TNNT3: variants seen among roughly 807,000 people sequenced by gnomAD.
TNNT3 encodes the protein troponin T3, fast skeletal type.
In TNNT3, 36 loss-of-function variants were observed where a neutral mutation model predicts 54.2. The observed-to-expected ratio is 0.66, with a 90% CI of 0.51 to 0.88. The LOEUF (loss-of-function observed/expected upper bound fraction) is 0.88. Among genes scored for constraint, TNNT3 ranks in the 40% least tolerant of loss-of-function variants. The pLI, the probability that TNNT3 is intolerant of heterozygous loss-of-function variation, is 0.00. For synonymous variants in TNNT3, 120 were observed against 109.7 expected (o/e 1.09, Z -0.59); for missense variants, 291 against 331.6 (o/e 0.88, Z 0.95).
chr11:1,937,393 G>A (rs1855440982), intron 15 of TNNT3, among the ~76,000 whole-genome samples: 1 of 152,188 alleles, frequency 6.6e-6, no homozygotes, highest in Admixed American at 6.5e-5. Context: ...ACCCTCCAAG[G>A]GGACCTAGGA....
intron 4 of TNNT3, chr11:1,924,859 G>C: frequency 1.6e-6 from 1 of 626,478 alleles, no homozygotes; most frequent in Non-Finnish European, 2.9e-6. Flanking sequence ...CCCTCTCAGG[G>C]GCCGGGCCCA....
chr11:1,930,266 C>T (rs1358897302), intron 8 of TNNT3, among the ~76,000 whole-genome samples: 1 of 152,080 alleles, frequency 6.6e-6, no homozygotes, highest in Non-Finnish European at 1.5e-5. Flanking sequence ...CGCAACACCC[C>T]ACGGCCTTCG....
chr11:1,931,694 CTT>C (rs370398561), intron 8 of TNNT3, among the ~76,000 whole-genome samples: 1 of 112,308 alleles, frequency 8.9e-6, no homozygotes, highest in African/African-American at 3.2e-5. Flanking sequence ...TTTTTTTAGT[CTT>C]TTTTTTTTGC....
Position 1,933,756 on chromosome 11 carries a change from G to A in TNNT3, c.207G>A (p.Met69Ile), listed in dbSNP as rs372303464. The change falls in exon 10 of 16, where the codon ATG becomes ATA. Residue 69 changes from methionine to isoleucine, a missense_variant. Coordinates refer to ENST00000278317, the MANE Select transcript of TNNT3 (RefSeq NM_006757.4). ...IQKKRQNKDL[M>I]ELQALIDSHF... is the part of the protein sequence containing the mutation. Reference sequence around the variant, plus strand: ...AGAAGCGTCAGAACAAAGACCTAATGGAGCTCCAGGCCCTCATCGACAGCC... The same window carrying A: ...AGAAGCGTCAGAACAAAGACCTAATAGAGCTCCAGGCCCTCATCGACAGCC... 8 of 1,612,912 alleles carry A rather than the reference G, an allele frequency of 5.0e-6. No homozygotes were observed. Among genetic ancestry groups the A allele is most frequent in the African/African-American group, 1.3e-5 (1 of 74,938 alleles).
intron 14 of TNNT3, chr11:1,936,261 AG>A: frequency 6.2e-7 from 1 of 1,613,798 alleles, no homozygotes; most frequent in African/African-American, 1.3e-5. Flanking sequence ...AGTTGTAAGT[AG>A]CCGGGTCCGC....
At position 1,936,951 on chromosome 11, in the gene TNNT3, T is replaced by A; in HGVS notation, c.682-12T>A. 1 of 1,604,694 alleles carries A rather than the reference T, an allele frequency of 6.2e-7. No homozygotes were observed. Among genetic ancestry groups the A allele is most frequent in the South Asian group, 1.1e-5 (1 of 89,584 alleles). On this transcript the variant is annotated splice_polypyrimidine_tract_variant and intron_variant, in intron 14 of 15. Coordinates refer to ENST00000278317, the MANE Select transcript of TNNT3 (RefSeq NM_006757.4). Reference sequence around the variant, plus strand: ...TCGGGTCGTCGCAGTGAGTCACTCATGTTGTTCACAGATCACCACGCTCAG... The same window carrying A: ...TCGGGTCGTCGCAGTGAGTCACTCAAGTTGTTCACAGATCACCACGCTCAG...
At chr11:1,925,276 G>T (rs1174042898) in intron 5 of TNNT3, 160 bp downstream of exon 5, 5 of 1,601,920 alleles carry the variant, frequency 3.1e-6, no homozygotes, top group Non-Finnish European at 4.3e-6. Context: ...CCATGAGGAA[G>T]GTATGAGGAC....
intron 14 of TNNT3, chr11:1,936,300 G>T: frequency 6.2e-7 from 1 of 1,604,362 alleles, no homozygotes; most frequent in African/African-American, 1.3e-5. Context: ...GGTGTGCGTT[G>T]CACGGTGAGG....
At position 1,937,060 on chromosome 11, in the gene TNNT3, C is replaced by T. The variant is rs552132199; in HGVS notation, c.722+57C>T. ...GGGCACAGGGGCCCTTGGGGCCAGC[C>T]GCTGTAGCCAGTCCCTAACAAGGGC... On this transcript the variant is annotated intron_variant, in intron 15 of 15. Coordinates refer to ENST00000278317, the MANE Select transcript of TNNT3 (RefSeq NM_006757.4). 4.7e-5 allele frequency: 72 copies of T among 1,534,188 alleles called. No homozygotes were observed. In the East Asian group the frequency reaches 1.4e-3, roughly 29 times the overall value.
At chr11:1,929,091 G>T in intron 6 of TNNT3, 29 bp from the exon 7 acceptor site, 1 of 1,613,254 alleles carries the variant, frequency 6.2e-7, no homozygotes, top group Non-Finnish European at 8.5e-7. Context: ...TCTCTTGCAT[G>T]TGTGCTTGTG....
chr11:1,934,965 C>A lies in TNNT3; in HGVS notation c.681+46C>A, dbSNP rs911142216. ...CCCTGGGGCCCTAGCGGCTTTCACC[C>A]ACCAGCAGAGCAGCCATCTCCCTGC... is the stretch of plus-strand genomic sequence containing the variant. On this transcript the variant is annotated intron_variant, in intron 14 of 15. Transcript: ENST00000278317. 5 of 1,575,614 alleles carry A rather than the reference C, an allele frequency of 3.2e-6. No individual in the cohort carries two copies. The African/African-American group carries it at 6.7e-5, about 21-fold the overall frequency.
chr11:1,926,359 C>T, intron 5 of TNNT3: 1 of 1,370,544 alleles, frequency 7.3e-7, no homozygotes. Flanking sequence ...GCACGCACCC[C>T]ACCCTCGGCC....
intron 8 of TNNT3, among the ~76,000 whole-genome samples, chr11:1,931,876 T>C (rs920209422): frequency 5.9e-5 from 9 of 152,126 alleles, no homozygotes; most frequent in Non-Finnish European, 1.2e-4. Flanking sequence ...TTCTATGGTT[T>C]GTTGGAAAAA....
At chr11:1,919,796 G>A (rs1045234456) in intron 1 of TNNT3, 34 bp downstream of exon 1, 1 of 152,268 alleles carries the variant, frequency 6.6e-6, no homozygotes, top group African/African-American at 2.4e-5. Context: ...CCCAGGACTG[G>A]GGCCGACGGG....
At chr11:1,929,343 G>A (rs1333156235) in intron 7 of TNNT3, among the ~76,000 whole-genome samples, 200 bp downstream of exon 7, 2 of 152,216 alleles carry the variant, frequency 1.3e-5, no homozygotes, top group Admixed American at 6.5e-5. Context: ...AGGGCCTCGC[G>A]GGTGCCACCG....
intron 6 of TNNT3, among the ~76,000 whole-genome samples, chr11:1,928,677 C>T (rs1852327512): frequency 6.6e-6 from 1 of 152,154 alleles, no homozygotes; most frequent in African/African-American, 2.4e-5. Context: ...ACAGCCTTTA[C>T]AGGCAGGGGT....
chr11:1,924,971 C>T, intron 4 of TNNT3, 128 bp from the exon 5 acceptor site: 1 of 1,036,188 alleles, frequency 9.7e-7, no homozygotes, highest in Non-Finnish European at 1.5e-6. Context: ...GCCAAGCGAG[C>T]CCCAGGCCCT....
chr11:1,936,639 C>T (rs531965261), intron 14 of TNNT3, among the ~76,000 whole-genome samples: 53 of 152,352 alleles, frequency 3.5e-4, no homozygotes, highest in Non-Finnish European at 2.6e-4. Context: ...CAACCCCTCC[C>T]CAGCCCCATC....
chr11:1,924,482 TATTTTGAAAAC>T (rs1850958834), intron 4 of TNNT3, among the ~76,000 whole-genome samples: 1 of 152,194 alleles, frequency 6.6e-6, no homozygotes, highest in African/African-American at 2.4e-5. Context: ...GTTTTGAAAA[TATTTTGAAAAC>T]ACTTGGCTAC....
Sources: gnomAD v4.1 joint callset for allele counts (sites outside exome capture counted in the v4.1 genomes callset) on GRCh38, gnomAD v4.1.1 for gene constraint, MANE v1.5 for transcripts, NCBI Gene and HGNC (gene_info 2026-07-23, HGNC 2026-07-21) for gene names.